RUBCNL: variants seen among roughly 807,000 people sequenced by gnomAD.
RUBCNL encodes rubicon like autophagy enhancer.
Under a neutral mutation model 69.5 loss-of-function variants are expected in RUBCNL, and 62 were observed. The observed-to-expected ratio is 0.89, with a 90% CI of 0.73 to 1.10. The LOEUF (loss-of-function observed/expected upper bound fraction) is 1.10, where lower values mean the gene tolerates loss of function less well. Among genes scored for constraint, RUBCNL ranks in the 50% least tolerant of loss-of-function variants. The pLI, the probability that RUBCNL is intolerant of heterozygous loss-of-function variation, is 0.00. For missense variants in RUBCNL, 768 were observed against 798.1 expected, an observed-to-expected ratio of 0.96 and a Z score of 0.45; for synonymous variants, 291 against 303.6, an observed-to-expected ratio of 0.96 and a Z score of 0.43.
At chr13:46,378,037 ATG>A in intron 1 of RUBCNL, 32 bp from the exon 2 acceptor site, 1 of 1,132,910 alleles carries the variant, frequency 8.8e-7, no homozygotes. Context: ...GCCAGATGCT[ATG>A]ATACCACTGC....
intron 10 of RUBCNL, chr13:46,354,698 C>T (rs754032082): frequency 6.8e-6 from 3 of 442,172 alleles, no homozygotes; most frequent in Non-Finnish European, 1.4e-5. Context: ...AGTTCCCTTG[C>T]TGTAAATCCC....
chr13:46,369,391 T>G (rs1300149101), intron 3 of RUBCNL, among the ~76,000 whole-genome samples: 1 of 152,046 alleles, frequency 6.6e-6, no homozygotes, highest in Admixed American at 6.5e-5. Flanking sequence ...TCTAAATTAT[T>G]TTTGCAGAGA....
At chr13:46,357,926 C>T (rs1259513297) in intron 9 of RUBCNL, among the ~76,000 whole-genome samples, 2 of 152,144 alleles carry the variant, frequency 1.3e-5, no homozygotes, top group Admixed American at 6.6e-5. Flanking sequence ...CCACTGTGCC[C>T]GGCCTGAGGG....
intron 10 of RUBCNL, among the ~76,000 whole-genome samples, chr13:46,353,123 G>C (rs1444218100): frequency 6.6e-6 from 1 of 152,210 alleles, no homozygotes; most frequent in Admixed American, 6.5e-5. Flanking sequence ...GCATTCGATG[G>C]TGGGAAAGGG....
intron 6 of RUBCNL, 59 bp from the exon 7 acceptor site, chr13:46,362,657 G>A: frequency 1.7e-6 from 2 of 1,211,070 alleles, no homozygotes; most frequent in Non-Finnish European, 2.4e-6. Flanking sequence ...TTTAATCGCA[G>A]TCCATTTTAT....
rs764458781 is a variant in RUBCNL at position 46,335,260 on chromosome 13, G to GTTTTTTTTTTTTTTTTTTTTTTTTT, written c.*8100_*8124dup. Among the ~76,000 whole-genome samples, 1 of 101,888 alleles carries GTTTTTTTTTTTTTTTTTTTTTTTTT rather than the reference G, an allele frequency of 9.8e-6. No homozygotes were observed. 66.8% of individuals were successfully genotyped at this position (101,888 alleles called of 152,430 possible). On this transcript the variant is annotated 3_prime_UTR_variant, in exon 15 of 15. Coordinates refer to ENST00000429979, the MANE Select transcript of RUBCNL (RefSeq NM_025113.5). Reference sequence around the variant, plus strand: ...GTGTCTTTTTGTTGTTGTTGTTGTTGTTTTTTTTTTTTTTTTTTTTTTTTT... The same window carrying GTTTTTTTTTTTTTTTTTTTTTTTTT: ...GTGTCTTTTTGTTGTTGTTGTTGTTGTTTTTTTTTTTTTTTTTTTTTTTTTTTTTTTTTTTTTTTTTTTTTTTTTT...
intron 9 of RUBCNL, among the ~76,000 whole-genome samples, chr13:46,357,595 G>T (rs1166169931): frequency 6.6e-6 from 1 of 151,724 alleles, no homozygotes; most frequent in Admixed American, 6.6e-5. Flanking sequence ...ATCATTTCTG[G>T]TAAGAGATAT....
chr13:46,358,154 T>G (rs1405745629), intron 9 of RUBCNL, among the ~76,000 whole-genome samples: 6 of 152,016 alleles, frequency 3.9e-5, no homozygotes, highest in Non-Finnish European at 7.4e-5. Context: ...AGACAGGGAG[T>G]TCTGCCCAAG....
chr13:46,368,867 C>A, intron 3 of RUBCNL, 52 bp from the exon 4 acceptor site: 1 of 1,306,514 alleles, frequency 7.7e-7, no homozygotes, highest in East Asian at 2.3e-5. Flanking sequence ...TTAAAGATTA[C>A]CTAATAAAAT....
chr13:46,372,453 C>G lies in RUBCNL; in HGVS notation c.23G>C (p.Arg8Thr). 1 of 1,608,308 alleles carries G rather than the reference C, an allele frequency of 6.2e-7. No homozygotes were observed. The highest frequency in any genetic ancestry group is 8.5e-7 in the Non-Finnish European group (1 of 1,177,256). Residue 8 changes from arginine (R) to threonine (T), a missense_variant, in exon 3 of 15, where the codon AGG (arginine) becomes ACG (threonine). By Grantham distance (71) the Arg-to-Thr change is moderately conservative. Transcript: ENST00000429979. ...CCAGGGCTCCACAGGAGAATCCTGC[C>G]TGACTGTAGATTGTGACACCATCTT... MVSQSTV[R>T]QDSPVEPWEG...
chr13:46,373,245 A>T (rs1366140050), intron 2 of RUBCNL, among the ~76,000 whole-genome samples: 1 of 152,154 alleles, frequency 6.6e-6, no homozygotes, highest in African/African-American at 2.4e-5. Context: ...AAGTGCTGGG[A>T]TTACATGCAT....
At chr13:46,345,275 C>G (rs182311987) in intron 13 of RUBCNL, among the ~76,000 whole-genome samples, 172 bp downstream of exon 13, 1 of 152,302 alleles carries the variant, frequency 6.6e-6, no homozygotes, top group African/African-American at 2.4e-5. Flanking sequence ...TGCCACTTAC[C>G]AGCAGGGGTA....
chr13:46,375,504 G>A (rs2048972595), intron 2 of RUBCNL, among the ~76,000 whole-genome samples: 1 of 152,122 alleles, frequency 6.6e-6, no homozygotes, highest in Non-Finnish European at 1.5e-5. Context: ...TTGCACTCCA[G>A]CCTGGACGAC....
At chr13:46,376,002 C>T (rs556030754) in intron 2 of RUBCNL, among the ~76,000 whole-genome samples, 1 of 152,286 alleles carries the variant, frequency 6.6e-6, no homozygotes, top group East Asian at 1.9e-4. Context: ...ACTTAATGAA[C>T]AGTAAATATA....
At chr13:46,356,369 C>T in intron 10 of RUBCNL, 63 bp downstream of exon 10, 1 of 1,508,378 alleles carries the variant, frequency 6.6e-7, no homozygotes, top group Non-Finnish European at 9.1e-7. Context: ...ATGCGCTGCC[C>T]TACTTTGCTA....
chr13:46,365,782 A>C (rs566494002), intron 5 of RUBCNL, among the ~76,000 whole-genome samples: 1 of 152,234 alleles, frequency 6.6e-6, no homozygotes, highest in African/African-American at 2.4e-5. Flanking sequence ...CAAGGCTAAA[A>C]ATTCCAGAAT....
At chr13:46,354,819 G>A in intron 10 of RUBCNL, 1 of 456,710 alleles carries the variant, frequency 2.2e-6, no homozygotes, top group Non-Finnish European at 4.4e-6. Context: ...TGAGGGCAAG[G>A]CCACTGTACA....
chr13:46,346,407 T>C (rs1201860376), intron 12 of RUBCNL, among the ~76,000 whole-genome samples: 3 of 147,676 alleles, frequency 2.0e-5, no homozygotes, highest in African/African-American at 7.3e-5. Flanking sequence ...GTCTACCCTA[T>C]CTCACTCCTA....
At chr13:46,388,121 A>G (rs1232090333), upstream of RUBCNL, among the ~76,000 whole-genome samples, 1 of 147,200 alleles carries the variant, frequency 6.8e-6, no homozygotes, top group Non-Finnish European at 1.5e-5. Flanking sequence ...CTGAAGCAGG[A>G]GCAACCCGGG....
Sources: gnomAD v4.1 joint callset for allele counts (sites outside exome capture counted in the v4.1 genomes callset) on GRCh38, gnomAD v4.1.1 for gene constraint, MANE v1.5 for transcripts, NCBI Gene and HGNC (gene_info 2026-07-23, HGNC 2026-07-21) for gene names.